EFCAB6: variants seen among roughly 807,000 people sequenced by gnomAD.
EFCAB6 encodes the protein EF-hand calcium binding domain 6, also known as EF-hand calcium-binding domain-containing protein 6.
EFCAB6 carries 156 observed loss-of-function variants against 169.8 expected under a neutral mutation model. The observed-to-expected ratio is 0.92, with a 90% CI of 0.81 to 1.05. The LOEUF (loss-of-function observed/expected upper bound fraction) is 1.05. EFCAB6 is among the 50% of genes least tolerant of loss of function. The pLI is 0.00. For synonymous variants in EFCAB6, 698 were observed against 676.4 expected, an observed-to-expected ratio of 1.03 and a Z score of -0.50; for missense variants, 1,800 against 1,829.1, an observed-to-expected ratio of 0.98 and a Z score of 0.29.
At chr22:43,540,628 G>A (rs753741479) in intron 27 of EFCAB6, 2 of 1,261,602 alleles carry the variant, frequency 1.6e-6, no homozygotes, top group Non-Finnish European at 2.1e-6. Flanking sequence ...GCACTTTAAG[G>A]CCATTAAATC....
chr22:43,623,925 A>T (rs1187813849), intron 20 of EFCAB6, among the ~76,000 whole-genome samples: 1 of 150,454 alleles, frequency 6.6e-6, no homozygotes, highest in Non-Finnish European at 1.5e-5. Flanking sequence ...AAAAAAAAGA[A>T]AAAAAAGAAA....
At chr22:43,729,135 T>C (rs1263624461) in intron 8 of EFCAB6, among the ~76,000 whole-genome samples, 4 of 152,176 alleles carry the variant, frequency 2.6e-5, no homozygotes, top group Admixed American at 6.5e-5. Context: ...CCAGCTCTTG[T>C]GTGAACTAAC....
chr22:43,543,105 G>C (rs1227563935), intron 27 of EFCAB6, among the ~76,000 whole-genome samples: 1 of 152,196 alleles, frequency 6.6e-6, no homozygotes, highest in Non-Finnish European at 1.5e-5. Context: ...GAGCCCATGA[G>C]CGCGGGGTCA....
At chr22:43,647,344 G>T (rs779685881) in intron 17 of EFCAB6, among the ~76,000 whole-genome samples, 36 of 152,224 alleles carry the variant, frequency 2.4e-4, no homozygotes, top group Admixed American at 3.9e-4. Context: ...AAAACAAAAA[G>T]ACATGATATA....
intron 17 of EFCAB6, among the ~76,000 whole-genome samples, chr22:43,645,862 A>C (rs2056121336): frequency 2.0e-5 from 3 of 152,142 alleles, no homozygotes; most frequent in Admixed American, 6.5e-5. Context: ...TAAAAAAAAA[A>C]ACAAAAACAA....
At chr22:43,687,447 GTT>G (rs35384776) in intron 11 of EFCAB6, 22 bp downstream of exon 11, 6,410 of 824,444 alleles carry the variant, frequency 7.8e-3, no homozygotes, top group South Asian at 0.011. Context: ...ACTAAAATTT[GTT>G]TTTTTTTTTT....
chr22:43,669,319 C>T (rs1014186008), intron 15 of EFCAB6, among the ~76,000 whole-genome samples: 3 of 152,140 alleles, frequency 2.0e-5, no homozygotes, highest in Non-Finnish European at 4.4e-5. Context: ...AAACCATATG[C>T]CTATCAAGAG....
intron 6 of EFCAB6, among the ~76,000 whole-genome samples, chr22:43,737,427 C>T (rs1356185392): frequency 2.0e-5 from 3 of 150,414 alleles, no homozygotes. Flanking sequence ...GGCATACACA[C>T]CATCACTCAC....
intron 20 of EFCAB6, among the ~76,000 whole-genome samples, chr22:43,619,124 G>A (rs1054659233): frequency 2.0e-5 from 3 of 152,160 alleles, no homozygotes; most frequent in African/African-American, 4.8e-5. Flanking sequence ...TCTCTGATGT[G>A]TAAAGGTGTG....
At chr22:43,631,824 T>C (rs971686874) in intron 19 of EFCAB6, among the ~76,000 whole-genome samples, 1 of 151,964 alleles carries the variant, frequency 6.6e-6, no homozygotes, top group African/African-American at 2.4e-5. Flanking sequence ...CACTGTACCA[T>C]GGGTTGTCAT....
chr22:43,558,233 T>C (rs1051751680), intron 26 of EFCAB6, among the ~76,000 whole-genome samples: 2 of 152,214 alleles, frequency 1.3e-5, no homozygotes, highest in Non-Finnish European at 1.5e-5. Flanking sequence ...CAATGGCATT[T>C]AGGAAAGTGG....
intron 17 of EFCAB6, among the ~76,000 whole-genome samples, chr22:43,664,555 G>T (rs1435313132): frequency 1.3e-5 from 2 of 152,222 alleles, no homozygotes; most frequent in Non-Finnish European, 2.9e-5. Flanking sequence ...CATTTGCAAT[G>T]GGAATGTCAA....
rs1008536649 is a variant in EFCAB6 at position 43,795,403 on chromosome 22, A to G, written c.-7-13078T>C. 1.3e-5 allele frequency among the ~76,000 whole-genome samples: 2 copies of G among 152,126 alleles called. No individual in the cohort carries two copies. Among genetic ancestry groups the G allele is most frequent in the African/African-American group, 4.8e-5 (2 of 41,408 alleles). On this transcript the variant is annotated intron_variant, in intron 2 of 31. Transcript: ENST00000262726. The surrounding 1 kb of genome is among the most constrained non-coding windows in gnomAD (Gnocchi z 4.2). Reference sequence around the variant, plus strand: ...TGTTCTTTAATAACCGTGTCATGGCATGTTCTAGACATCATGCCTACCAGT... The same window carrying G: ...TGTTCTTTAATAACCGTGTCATGGCGTGTTCTAGACATCATGCCTACCAGT...
rs571993439 is a variant in EFCAB6 at position 43,781,400 on chromosome 22, TGAAG to T, written c.139+776_139+779del. On this transcript the variant is annotated intron_variant, in intron 3 of 31. Transcript: ENST00000262726. ...GTGCTGTGGCACGATCATGGCTCAC[TGAAG>T]TCTTGACCTCCAGGGCCTAAGCCAT... 1.1e-3 allele frequency among the ~76,000 whole-genome samples: 173 copies of T among 152,330 alleles called. 1 individual carries two copies. The highest frequency in any genetic ancestry group is 3.4e-3 in the African/African-American group (143 of 41,578).
rs1455570194 is a variant in EFCAB6 at position 43,594,139 on chromosome 22, G to GTGGC, written c.2877-3914_2877-3911dup. Among the ~76,000 whole-genome samples the GTGGC allele has an allele frequency of 2.0e-5, 3 of 152,158 alleles. No homozygotes were observed. In the East Asian group the frequency reaches 5.8e-4, roughly 29 times the overall value. ...AAAAATACAAAATTAGCCAGGTGTG[G>GTGGC]TGGCGCATGCCTGTAATCCCAGCTA... On this transcript the variant is annotated intron_variant, in intron 23 of 31. Transcript: ENST00000262726.
chr22:43,557,196 T>C lies in EFCAB6; in HGVS notation c.3421-2100A>G, dbSNP rs181533019. Among the ~76,000 whole-genome samples the C allele has an allele frequency of 5.2e-3, 790 of 152,286 alleles. 4 individuals carry two copies. The highest frequency in any genetic ancestry group is 0.041 in the Middle Eastern group (12 of 294). ...CCCCTCCAGTAAGTTGCTTACCCACTTTTTGCCTTGGTTTCCTCATCTACC... is the reference window on the plus strand; with the variant it reads ...CCCCTCCAGTAAGTTGCTTACCCACCTTTTGCCTTGGTTTCCTCATCTACC... On this transcript the variant is annotated intron_variant, in intron 26 of 31. Transcript: ENST00000262726.
At chr22:43,656,818 C>T (rs2056769091) in intron 17 of EFCAB6, among the ~76,000 whole-genome samples, 1 of 152,006 alleles carries the variant, frequency 6.6e-6, no homozygotes, top group African/African-American at 2.4e-5. Flanking sequence ...GTGTAGGAGG[C>T]TATAGCACCT....
At chr22:43,599,482 C>T (rs2052318450) in intron 23 of EFCAB6, among the ~76,000 whole-genome samples, 1 of 124,556 alleles carries the variant, frequency 8.0e-6, no homozygotes, top group Non-Finnish European at 1.6e-5. Context: ...TGCACTCCAG[C>T]CTGGGAGACA....
intron 13 of EFCAB6, among the ~76,000 whole-genome samples, chr22:43,673,226 C>G (rs1238684343): frequency 1.3e-5 from 2 of 152,142 alleles, no homozygotes; most frequent in East Asian, 3.8e-4. Flanking sequence ...AAAAAACTTC[C>G]TTTCACTCCA....
Sources: gnomAD v4.1 joint callset for allele counts (sites outside exome capture counted in the v4.1 genomes callset) on GRCh38, gnomAD v4.1.1 for gene constraint, Gnocchi (gnomAD v3.1) non-coding constraint, MANE v1.5 for transcripts, NCBI Gene and HGNC (gene_info 2026-07-23, HGNC 2026-07-21) for gene names.